IYD: variants seen among roughly 807,000 people sequenced by gnomAD.
IYD encodes the protein iodotyrosine deiodinase.
In IYD, 25 loss-of-function variants were observed where a neutral mutation model predicts 28.4. That is an observed-to-expected ratio of 0.88 (90% confidence interval 0.64 to 1.23). The LOEUF is 1.23. Among genes scored for constraint, IYD ranks in the 50% most tolerant of loss-of-function variants. The probability of loss-of-function intolerance (pLI) is 0.00; values close to 1 mark genes in which losing one functional copy is unlikely to be tolerated. For synonymous variants in IYD, 140 were observed against 130.8 expected (o/e 1.07, Z -0.48); for missense variants, 352 against 357.9 (o/e 0.98, Z 0.13).
chr6:150,370,222 TGC>T lies in IYD; in HGVS notation c.178+1015_178+1016del, dbSNP rs1777174847. On this transcript the variant is annotated intron_variant, in intron 1 of 4. Coordinates refer to ENST00000344419, the MANE Select transcript of IYD (RefSeq NM_203395.3). ...ATGAATGTGCATGTGTGTGTGCGCG[TGC>T]GTGTGTGTGTGTGCATGAGAGTGGA... 2.1e-5 allele frequency among the ~76,000 whole-genome samples: 3 copies of T among 145,722 alleles called. No individual in the cohort carries two copies. In the South Asian group the frequency reaches 6.5e-4, roughly 32 times the overall value.
chr6:150,389,386 T>C lies in IYD; in HGVS notation c.213T>C (p.Val71=), dbSNP rs1188217634. ...ADEWQESEEN[V]EHIPFSHNHY... is the part of the protein sequence containing the mutation. ...AATGGCAAGAATCAGAAGAAAATGT[T>C]GAACACATCCCCTTCTCTCATAACC... Residue 71 remains valine, a synonymous_variant, in exon 2 of 5, where the codon GTT becomes GTC. Coordinates refer to ENST00000344419, the MANE Select transcript of IYD (RefSeq NM_203395.3). 1.9e-6 allele frequency: 3 copies of C among 1,613,972 alleles called. No homozygotes were observed. Among genetic ancestry groups the C allele is most frequent in the Non-Finnish European group, 2.5e-6 (3 of 1,179,866 alleles).
intron 3 of IYD, among the ~76,000 whole-genome samples, chr6:150,393,781 C>A (rs1308410390): frequency 6.6e-6 from 1 of 152,190 alleles, no homozygotes; most frequent in Non-Finnish European, 1.5e-5. Flanking sequence ...GTGATTTTGG[C>A]TAAACCTCAC....
At chr6:150,372,318 T>TGG (rs1160655523) in intron 1 of IYD, among the ~76,000 whole-genome samples, 22 of 95,206 alleles carry the variant, frequency 2.3e-4, no homozygotes, top group African/African-American at 8.7e-4. Flanking sequence ...CATGTGTGTG[T>TGG]GGGTGGGGTG....
chr6:150,396,798 T>C lies in IYD; in HGVS notation c.688-1257T>C, dbSNP rs896260644. 195 of 173,816 alleles carry C rather than the reference T, an allele frequency of 1.1e-3. 1 individual carries two copies. Among genetic ancestry groups the C allele is most frequent in the African/African-American group, 4.2e-3 (171 of 40,886 alleles). The allele number at this position is 173,816 out of a possible 1,614,324, so 10.8% of individuals were successfully genotyped here. A position where few individuals can be genotyped will look rare whatever the true frequency, so the allele number is the denominator to read the frequency against. ...CTGAGGCAGGAGAATGGCGTGAACC[T>C]GGGAGGCGGAGCTTGCAGTGAGCGG... On this transcript the variant is annotated intron_variant, in intron 4 of 4. Coordinates refer to ENST00000344419, the MANE Select transcript of IYD (RefSeq NM_203395.3).
intron 2 of IYD, 60 bp downstream of exon 2, chr6:150,389,603 C>A: frequency 7.1e-7 from 1 of 1,399,820 alleles, no homozygotes. Context: ...GTGACTCCAA[C>A]AATGGAAAAA....
chr6:150,369,219 C>T lies in IYD; in HGVS notation c.178+10C>T, dbSNP rs1218008490. On this transcript the variant is annotated intron_variant, in intron 1 of 4. Coordinates refer to ENST00000344419, the MANE Select transcript of IYD (RefSeq NM_203395.3). Reference sequence around the variant, plus strand: ...CACCAAGCAGAAGAAGGTAAAGACACCAGCTATGCTGCTTAGCTTCGCTGT... The same window carrying T: ...CACCAAGCAGAAGAAGGTAAAGACATCAGCTATGCTGCTTAGCTTCGCTGT... The T allele has an allele frequency of 6.2e-7, 1 of 1,610,696 alleles. No individual in the cohort carries two copies. Among genetic ancestry groups the T allele is most frequent in the South Asian group, 1.1e-5 (1 of 90,996 alleles).
At chr6:150,374,658 C>T (rs1188109498) in intron 1 of IYD, among the ~76,000 whole-genome samples, 1 of 152,192 alleles carries the variant, frequency 6.6e-6, no homozygotes, top group Non-Finnish European at 1.5e-5. Context: ...GATTCAATTA[C>T]CTCCCACTAG....
chr6:150,384,639 TG>T (rs1188937509), intron 1 of IYD: 1 of 152,220 alleles, frequency 6.6e-6, no homozygotes, highest in African/African-American at 2.4e-5. Context: ...AATTTTTTTC[TG>T]TTGAAATCTT....
intron 1 of IYD, chr6:150,370,406 T>C: frequency 1.3e-6 from 1 of 764,542 alleles, no homozygotes; most frequent in Non-Finnish European, 1.6e-6. Flanking sequence ...TGCATGAATG[T>C]GTGTGTGCGT....
intron 1 of IYD, chr6:150,370,419 G>T (rs561110278): frequency 2.4e-5 from 20 of 847,124 alleles, no homozygotes; most frequent in Middle Eastern, 1.2e-3. Flanking sequence ...GTGTGCGTGC[G>T]CATGAGTGTG....
intron 4 of IYD, chr6:150,396,110 A>G (rs998437763): frequency 3.1e-5 from 7 of 226,640 alleles, no homozygotes; most frequent in Admixed American, 2.1e-4. Flanking sequence ...ATATTTTAAA[A>G]TATCTATAAC....
intron 4 of IYD, chr6:150,395,765 C>T: frequency 3.0e-6 from 2 of 676,630 alleles, no homozygotes; most frequent in South Asian, 3.2e-5. Context: ...TCCAGAACTT[C>T]CTGGTCAGGT....
chr6:150,396,634 G>A lies in IYD; in HGVS notation c.688-1421G>A, dbSNP rs189133499. ...TCACGCCTCTAATCCCAGCACTTTG[G>A]GAGGCCAAGGCGGGCGGATCACGAG... On this transcript the variant is annotated intron_variant, in intron 4 of 4. Coordinates refer to ENST00000344419, the MANE Select transcript of IYD (RefSeq NM_203395.3). The A allele has an allele frequency of 3.3e-3, 1,513 of 462,572 alleles. 22 individuals carry two copies. Among genetic ancestry groups the A allele is most frequent in the South Asian group, 0.022 (698 of 31,168 alleles). 28.7% of individuals were successfully genotyped at this position (462,572 alleles called of 1,614,324 possible). A position where few individuals can be genotyped will look rare whatever the true frequency, so the allele number is the denominator to read the frequency against.
chr6:150,369,913 G>A (rs1250906443), intron 1 of IYD: 2 of 699,084 alleles, frequency 2.9e-6, no homozygotes, highest in African/African-American at 1.7e-5. Context: ...GAGAGGAAGT[G>A]GAGAATTGAG....
chr6:150,398,016 C>A, intron 4 of IYD, 39 bp from the exon 5 acceptor site: 1 of 1,597,294 alleles, frequency 6.3e-7, no homozygotes, highest in Non-Finnish European at 8.6e-7. Flanking sequence ...GTCATTCTGC[C>A]TGCTGACTTT....
intron 1 of IYD, among the ~76,000 whole-genome samples, chr6:150,373,075 G>C (rs1777328854): frequency 6.6e-6 from 1 of 152,178 alleles, no homozygotes; most frequent in Non-Finnish European, 1.5e-5. Context: ...TTTAGTGTTA[G>C]TGGGGGATTC....
chr6:150,397,922 C>T, intron 4 of IYD, 133 bp from the exon 5 acceptor site: 1 of 872,056 alleles, frequency 1.1e-6, no homozygotes, highest in Non-Finnish European at 1.9e-6. Flanking sequence ...GAGCTGGCAG[C>T]CTCTTTGCTG....
rs1194449678 is a variant in IYD, at chr6:150,405,036, G to A, written c.*6799G>A. On this transcript the variant is annotated 3_prime_UTR_variant, in exon 5 of 5. Transcript: ENST00000344419. ...TAAATATTCAGTACATATTGAATGT[G>A]TGCAGAAATATATCTCAATCTAGTC... 1 of 152,114 alleles carries A rather than the reference G, an allele frequency of 6.6e-6. No homozygotes were observed. Among genetic ancestry groups the A allele is most frequent in the Non-Finnish European group, 1.5e-5 (1 of 68,046 alleles). The allele number at this position is 152,114 out of a possible 1,614,324, so 9.4% of individuals were successfully genotyped here. A position where few individuals can be genotyped will look rare whatever the true frequency, so the allele number is the denominator to read the frequency against.
At chr6:150,374,258 C>T (rs973832937) in intron 1 of IYD, among the ~76,000 whole-genome samples, 1 of 152,142 alleles carries the variant, frequency 6.6e-6, no homozygotes, top group African/African-American at 2.4e-5. Flanking sequence ...AATGAAGATC[C>T]AAAGGAACAG....
Sources: gnomAD v4.1 joint callset for allele counts (sites outside exome capture counted in the v4.1 genomes callset) on GRCh38, gnomAD v4.1.1 for gene constraint, MANE v1.5 for transcripts, NCBI Gene and HGNC (gene_info 2026-07-23, HGNC 2026-07-21) for gene names.